PRKG1: variants seen among roughly 807,000 people sequenced by gnomAD.
PRKG1 encodes the protein cGMP-dependent protein kinase 1.
Under a neutral mutation model 88.1 loss-of-function variants are expected in PRKG1, and 35 were observed. The ratio of observed to expected loss-of-function variants is 0.40; its 90% CI spans 0.30 to 0.53. The LOEUF (loss-of-function observed/expected upper bound fraction) is 0.53, where lower values mean the gene tolerates loss of function less well. PRKG1 is among the 20% of genes least tolerant of loss of function. The pLI is 0.59. For missense variants in PRKG1, 540 were observed against 839.8 expected (o/e 0.64, Z 4.41); for synonymous variants, 303 against 292.5 (o/e 1.04, Z -0.37).
intron 2 of PRKG1, among the ~76,000 whole-genome samples, chr10:51,364,235 G>A (rs948895729): frequency 1.3e-5 from 2 of 151,934 alleles, no homozygotes; most frequent in African/African-American, 2.4e-5. Context: ...TCTATGGTTA[G>A]CTTTTTGTAA....
intron 4 of PRKG1, among the ~76,000 whole-genome samples, chr10:51,898,831 G>T (rs1841914995): frequency 6.6e-6 from 1 of 151,916 alleles, no homozygotes. Context: ...CTCTAAAAAA[G>T]AAATAATATT....
chr10:51,069,974 C>T (rs373775220), upstream of PRKG1, among the ~76,000 whole-genome samples: 1 of 152,080 alleles, frequency 6.6e-6, no homozygotes, highest in African/African-American at 2.4e-5. Context: ...TGAAAAGGAA[C>T]TTTTTGAAAA....
chr10:52,008,487 C>T (rs1034235667), intron 5 of PRKG1, among the ~76,000 whole-genome samples: 3 of 152,098 alleles, frequency 2.0e-5, no homozygotes, highest in African/African-American at 7.2e-5. Context: ...TCAGAGACTA[C>T]TATGAACACC....
intron 7 of PRKG1, among the ~76,000 whole-genome samples, chr10:52,132,992 GTTA>G (rs1239431520): frequency 2.6e-5 from 4 of 151,776 alleles, no homozygotes; most frequent in Non-Finnish European, 5.9e-5. Flanking sequence ...ATACAATTGT[GTTA>G]TTATTGACTA....
chr10:51,242,532 T>C (rs1272835428), intron 2 of PRKG1, among the ~76,000 whole-genome samples: 1 of 152,190 alleles, frequency 6.6e-6, no homozygotes, highest in African/African-American at 2.4e-5. Flanking sequence ...GACATTTTCC[T>C]AGGTACCAGC....
At chr10:51,085,365 G>A (rs1056351260) in intron 1 of PRKG1, among the ~76,000 whole-genome samples, 1 of 152,100 alleles carries the variant, frequency 6.6e-6, no homozygotes, top group Non-Finnish European at 1.5e-5. Context: ...ACATCTGAAA[G>A]TGACAGGTAC....
chr10:52,130,302 A>G (rs1837219550), intron 7 of PRKG1, among the ~76,000 whole-genome samples: 1 of 152,046 alleles, frequency 6.6e-6, no homozygotes, highest in African/African-American at 2.4e-5. Flanking sequence ...GATCTTTGAT[A>G]TTTTCCCCAA....
chr10:51,106,681 G>A (rs866201259), intron 1 of PRKG1, among the ~76,000 whole-genome samples: 27 of 152,162 alleles, frequency 1.8e-4, no homozygotes, highest in African/African-American at 6.5e-4. Context: ...TTTACCTCTG[G>A]AAGACTTGTA....
At chr10:51,385,367 G>A (rs1032951355) in intron 2 of PRKG1, among the ~76,000 whole-genome samples, 8 of 152,074 alleles carry the variant, frequency 5.3e-5, no homozygotes, top group African/African-American at 1.9e-4. Context: ...TCTAAATAAT[G>A]GTTGATAATG....
At chr10:51,608,954 G>T (rs978033193) in intron 3 of PRKG1, among the ~76,000 whole-genome samples, 2 of 152,056 alleles carry the variant, frequency 1.3e-5, no homozygotes, top group African/African-American at 4.8e-5. Flanking sequence ...AAATATTTTT[G>T]TAGTGCTGTA....
At chr10:51,141,951 C>A (rs1184442560) in intron 1 of PRKG1, among the ~76,000 whole-genome samples, 1 of 152,044 alleles carries the variant, frequency 6.6e-6, no homozygotes. Flanking sequence ...TGCCATTTTG[C>A]AGTTTTTTGG....
chr10:51,620,094 T>C (rs1481131497), intron 3 of PRKG1, among the ~76,000 whole-genome samples: 1 of 152,082 alleles, frequency 6.6e-6, no homozygotes, highest in Non-Finnish European at 1.5e-5. Flanking sequence ...CCCTTACACC[T>C]CAACAAACAC....
intron 3 of PRKG1, among the ~76,000 whole-genome samples, chr10:51,540,706 G>A (rs1163170929): frequency 1.3e-5 from 2 of 151,824 alleles, no homozygotes. Flanking sequence ...TTCCAGTATA[G>A]TAGTTTTTTT....
At chr10:51,398,959 A>T (rs1004448524) in intron 2 of PRKG1, among the ~76,000 whole-genome samples, 2 of 152,186 alleles carry the variant, frequency 1.3e-5, no homozygotes, top group African/African-American at 4.8e-5. Context: ...TTAGATCTTC[A>T]GTTCCTCTGG....
In PRKG1 at chr10:51,729,706, C is replaced by CAAAAAAAA. The variant is rs34900286; in HGVS notation, c.593-74858_593-74851dup. On this transcript the variant is annotated intron_variant, in intron 3 of 17. Transcript: ENST00000373980. ...TGGGCAACAGAGTGAGACTCCATCTCAAAAAAAAAAAAAAAAAAAAAAAAA... is the reference window on the plus strand; with the variant it reads ...TGGGCAACAGAGTGAGACTCCATCTCAAAAAAAAAAAAAAAAAAAAAAAAAAAAAAAAA... Among the ~76,000 whole-genome samples, 79 of 28,776 alleles carry CAAAAAAAA rather than the reference C, an allele frequency of 2.7e-3. 2 individuals are homozygous for CAAAAAAAA. Among genetic ancestry groups the CAAAAAAAA allele is most frequent in the African/African-American group, 8.9e-3 (78 of 8,734 alleles). 18.9% of individuals were successfully genotyped at this position (28,776 alleles called of 152,430 possible).
intron 4 of PRKG1, among the ~76,000 whole-genome samples, chr10:51,881,367 G>T (rs2132880024): frequency 6.6e-6 from 1 of 152,298 alleles, no homozygotes; most frequent in Middle Eastern, 3.4e-3. Context: ...TGGTTCTTGT[G>T]CTCCACATGT....
chr10:51,645,057 A>T (rs1839883917), intron 3 of PRKG1, among the ~76,000 whole-genome samples: 1 of 152,164 alleles, frequency 6.6e-6, no homozygotes, highest in Non-Finnish European at 1.5e-5. Flanking sequence ...CCTGATATCA[A>T]GTGATCTGTC....
intron 10 of PRKG1, among the ~76,000 whole-genome samples, chr10:52,269,577 C>T (rs933725202): frequency 9.9e-5 from 15 of 152,058 alleles, no homozygotes; most frequent in Non-Finnish European, 1.6e-4. Context: ...TTAAGACCTT[C>T]GCTATCCCTG....
intron 5 of PRKG1, among the ~76,000 whole-genome samples, chr10:51,968,455 C>T (rs1843624726): frequency 6.6e-6 from 1 of 151,958 alleles, no homozygotes; most frequent in Non-Finnish European, 1.5e-5. Context: ...ATTTCAGAGA[C>T]CCTAAATTAC....
Sources: gnomAD v4.1 joint callset for allele counts (sites outside exome capture counted in the v4.1 genomes callset) on GRCh38, gnomAD v4.1.1 for gene constraint, MANE v1.5 for transcripts, NCBI Gene and HGNC (gene_info 2026-07-23, HGNC 2026-07-21) for gene names.